The following SPIDR variants were observed in gnomAD, a reference collection of about 807,000 sequenced individuals.
SPIDR encodes the protein scaffold protein involved in DNA repair, also known as DNA repair-scaffolding protein.
Under a neutral mutation model 104.6 loss-of-function variants are expected in SPIDR, and 93 were observed. That is an observed-to-expected ratio of 0.89 (90% confidence interval 0.75 to 1.06). The LOEUF (loss-of-function observed/expected upper bound fraction) is 1.06, where lower values mean the gene tolerates loss of function less well. SPIDR is among the 50% of genes least tolerant of loss of function. The pLI is 0.00. For synonymous variants in SPIDR, 431 were observed against 416.9 expected (o/e 1.03, Z -0.41); for missense variants, 1,154 against 1,111.2 (o/e 1.04, Z -0.55).
chr8:47,364,497 C>T (rs1371943239), intron 5 of SPIDR, among the ~76,000 whole-genome samples: 2 of 152,164 alleles, frequency 1.3e-5, no homozygotes, highest in African/African-American at 2.4e-5. Flanking sequence ...TAAGGTGTGA[C>T]GAACCTACCC....
chr8:47,485,829 C>T (rs1554730768), intron 8 of SPIDR, among the ~76,000 whole-genome samples: 1 of 152,188 alleles, frequency 6.6e-6, no homozygotes, highest in Non-Finnish European at 1.5e-5. Flanking sequence ...GCAAGGACAT[C>T]CACACCAAAA....
rs539799685 is a variant in SPIDR at position 47,454,354 on chromosome 8, A to G, written c.1097+13812A>G. Among the ~76,000 whole-genome samples, 335 of 152,300 alleles carry G rather than the reference A, an allele frequency of 2.2e-3. 1 individual carries two copies. Among genetic ancestry groups the G allele is most frequent in the African/African-American group, 7.8e-3 (326 of 41,566 alleles). On this transcript the variant is annotated intron_variant, in intron 8 of 19. Transcript: ENST00000297423. ...GATATGAATGAAGCTGGAAGCCATC[A>G]TTCTCAGCAAACTATCACAGGGACA...
At chr8:47,284,297 C>T (rs2038383300) in intron 3 of SPIDR, among the ~76,000 whole-genome samples, 2 of 152,180 alleles carry the variant, frequency 1.3e-5, no homozygotes, top group African/African-American at 4.8e-5. Flanking sequence ...ATTTCTCCTG[C>T]CTGCCTACAG....
At chr8:47,563,165 C>G (rs1452519845) in intron 8 of SPIDR, among the ~76,000 whole-genome samples, 1 of 151,746 alleles carries the variant, frequency 6.6e-6, no homozygotes, top group African/African-American at 2.4e-5. Context: ...TCAGATCACA[C>G]AGGCCCTCTT....
rs537653139 is a variant in SPIDR, at chr8:47,319,880, G to C, written c.525+25850G>C. ...ATAACGAAATGAAAGCAGAAATAAAGATGTTCTTGGAAACCAACGAGAGCA... is the reference window on the plus strand; with the variant it reads ...ATAACGAAATGAAAGCAGAAATAAACATGTTCTTGGAAACCAACGAGAGCA... On this transcript the variant is annotated intron_variant, in intron 5 of 19. Coordinates refer to ENST00000297423, the MANE Select transcript of SPIDR (RefSeq NM_001080394.4). Among the ~76,000 whole-genome samples, 20 of 151,836 alleles carry C rather than the reference G, an allele frequency of 1.3e-4. No homozygotes were observed. In the Admixed American group the frequency reaches 1.3e-3, roughly 10 times the overall value.
chr8:47,411,009 A>C (rs963756707), intron 7 of SPIDR, among the ~76,000 whole-genome samples: 3 of 152,182 alleles, frequency 2.0e-5, no homozygotes, highest in Non-Finnish European at 2.9e-5. Flanking sequence ...TTATGGCTGC[A>C]TAGTATTTCA....
At chr8:47,555,926 T>C (rs1245393902) in intron 8 of SPIDR, among the ~76,000 whole-genome samples, 1 of 152,252 alleles carries the variant, frequency 6.6e-6, no homozygotes, top group Non-Finnish European at 1.5e-5. Context: ...GTAGTCTGTC[T>C]GTCTGACAGG....
chr8:47,325,689 G>C (rs147211898), intron 5 of SPIDR, among the ~76,000 whole-genome samples: 1,748 of 152,262 alleles, frequency 0.011, 37 homozygotes, highest in African/African-American at 0.04. Flanking sequence ...CCTGGCAGCT[G>C]TAGCTTCAAC....
chr8:47,333,896 C>T (rs2049218391), intron 5 of SPIDR, among the ~76,000 whole-genome samples: 1 of 152,218 alleles, frequency 6.6e-6, no homozygotes, highest in South Asian at 2.1e-4. Context: ...CATTATGTGG[C>T]ATGTGACTGT....
intron 5 of SPIDR, among the ~76,000 whole-genome samples, chr8:47,300,524 T>G (rs2041875352): frequency 6.6e-6 from 1 of 152,236 alleles, no homozygotes; most frequent in Admixed American, 6.5e-5. Flanking sequence ...TCTCCAGTTC[T>G]TTTAATTGGG....
chr8:47,402,952 C>A (rs1209383443), intron 6 of SPIDR, among the ~76,000 whole-genome samples: 35 of 152,194 alleles, frequency 2.3e-4, no homozygotes, highest in Non-Finnish European at 1.8e-4. Context: ...CAAAAATCCT[C>A]AATAAAATAC....
At chr8:47,660,590 A>C in intron 10 of SPIDR, 1 of 910,806 alleles carries the variant, frequency 1.1e-6, no homozygotes, top group Non-Finnish European at 1.3e-6. Context: ...AGAGGGGTGA[A>C]GTGTGGGTGG....
intron 1 of SPIDR, among the ~76,000 whole-genome samples, chr8:47,278,715 G>A (rs1488568056): frequency 1.3e-5 from 2 of 151,820 alleles, no homozygotes; most frequent in African/African-American, 4.8e-5. Flanking sequence ...TCAAGCGATT[G>A]TCCTGCCCCA....
At position 47,451,286 on chromosome 8, in the gene SPIDR, A is replaced by G. The variant is rs372750811; in HGVS notation, c.1097+10744A>G. Among the ~76,000 whole-genome samples, 29 of 152,306 alleles carry G rather than the reference A, an allele frequency of 1.9e-4. 1 individual carries two copies. Among genetic ancestry groups the G allele is most frequent in the Middle Eastern group, 3.4e-3 (1 of 292 alleles). On this transcript the variant is annotated intron_variant, in intron 8 of 19. Transcript: ENST00000297423. ...TGAAAGTACAATAATTTAAATTTCAAAAACACACTAGAGATTGGGTGTGGT... is the reference window on the plus strand; with the variant it reads ...TGAAAGTACAATAATTTAAATTTCAGAAACACACTAGAGATTGGGTGTGGT...
chr8:47,466,506 G>A (rs1303545854), intron 8 of SPIDR, among the ~76,000 whole-genome samples: 1 of 152,128 alleles, frequency 6.6e-6, no homozygotes, highest in Non-Finnish European at 1.5e-5. Context: ...CAGAATCTCT[G>A]GAACATAGCT....
At chr8:47,699,316 C>CA (rs1347692659) in intron 11 of SPIDR, among the ~76,000 whole-genome samples, 1 of 152,158 alleles carries the variant, frequency 6.6e-6, no homozygotes, top group Admixed American at 6.5e-5. Flanking sequence ...CCCAGTTTCC[C>CA]AGAAGGGCTG....
chr8:47,489,837 A>C (rs546249438), intron 8 of SPIDR, among the ~76,000 whole-genome samples: 3 of 152,200 alleles, frequency 2.0e-5, no homozygotes, highest in Non-Finnish European at 2.9e-5. Flanking sequence ...CTTACACCTT[A>C]TACACCAATT....
chr8:47,380,273 A>G (rs1349270269), intron 5 of SPIDR, among the ~76,000 whole-genome samples: 2 of 152,228 alleles, frequency 1.3e-5, no homozygotes, highest in African/African-American at 2.4e-5. Flanking sequence ...CTCACTGAGC[A>G]GGTTTTAAAA....
At chr8:47,331,140 G>A (rs2048603236) in intron 5 of SPIDR, among the ~76,000 whole-genome samples, 2 of 152,140 alleles carry the variant, frequency 1.3e-5, no homozygotes, top group Admixed American at 6.5e-5. Context: ...TTTGCCATCT[G>A]TATCTGTATC....
Sources: gnomAD v4.1 joint callset for allele counts (sites outside exome capture counted in the v4.1 genomes callset) on GRCh38, gnomAD v4.1.1 for gene constraint, MANE v1.5 for transcripts, NCBI Gene and HGNC (gene_info 2026-07-23, HGNC 2026-07-21) for gene names.